The following AKAP13 variants were observed in gnomAD, a reference collection of about 807,000 sequenced individuals.
AKAP13 encodes A-kinase anchoring protein 13.
A neutral mutation model predicts 264.5 loss-of-function variants in AKAP13; 80 were observed. That is an observed-to-expected ratio of 0.30 (90% CI 0.25 to 0.36). AKAP13 has a LOEUF of 0.36. Ranked by LOEUF, AKAP13 falls within the 10% of genes least tolerant of loss-of-function variation. The pLI is 1.00. For missense variants in AKAP13, 3,712 were observed against 3,435.2 expected (o/e 1.08, Z -2.01); for synonymous variants, 1,380 against 1,250.2 (o/e 1.10, Z -2.19).
intron 1 of AKAP13, among the ~76,000 whole-genome samples, chr15:85,431,684 G>A (rs1401893065): frequency 6.6e-6 from 1 of 152,022 alleles, no homozygotes; most frequent in East Asian, 1.9e-4. Flanking sequence ...CCAGCTTTTA[G>A]GTAGTAACTT....
intron 34 of AKAP13, 82 bp from the exon 35 acceptor site, chr15:85,740,964 C>T: frequency 1.3e-6 from 2 of 1,517,172 alleles, no homozygotes; most frequent in Admixed American, 2.2e-5. Flanking sequence ...CCTGGTGCCC[C>T]CTGCTGTGGG....
intron 1 of AKAP13, among the ~76,000 whole-genome samples, chr15:85,422,242 G>A (rs1025148278): frequency 1.7e-4 from 26 of 152,100 alleles, no homozygotes; most frequent in African/African-American, 6.0e-4. Flanking sequence ...GTGCTGTTAC[G>A]AGATTTGAGG....
chr15:85,574,477 T>C (rs945896683), intron 5 of AKAP13, among the ~76,000 whole-genome samples: 2 of 152,240 alleles, frequency 1.3e-5, no homozygotes, highest in African/African-American at 4.8e-5. Flanking sequence ...TATAATGATA[T>C]GAGTTGAGCA....
intron 2 of AKAP13, among the ~76,000 whole-genome samples, chr15:85,517,200 C>T (rs537148969): frequency 2.0e-5 from 3 of 152,154 alleles, no homozygotes; most frequent in Admixed American, 6.5e-5. Flanking sequence ...GCCATCCTGT[C>T]TTTCACTCTT....
intron 1 of AKAP13, among the ~76,000 whole-genome samples, chr15:85,467,908 G>C (rs1402054231): frequency 1.3e-5 from 2 of 152,218 alleles, no homozygotes; most frequent in African/African-American, 2.4e-5. Flanking sequence ...ACTGACTCAA[G>C]TGTTGACGGA....
At chr15:85,710,419 G>C in intron 18 of AKAP13, 160 bp from the exon 19 acceptor site, 1 of 585,514 alleles carries the variant, frequency 1.7e-6, no homozygotes, top group Admixed American at 3.3e-5. Context: ...CAGGCTTAGA[G>C]GATGGCAATT....
intron 5 of AKAP13, among the ~76,000 whole-genome samples, chr15:85,570,075 CAAA>C (rs141206000): frequency 4.8e-5 from 4 of 83,518 alleles, no homozygotes; most frequent in South Asian, 5.4e-4. Flanking sequence ...GACTCCGTCT[CAAA>C]AAAAAAAAAA....
At chr15:85,646,080 G>T in intron 10 of AKAP13, 126 bp downstream of exon 10, 1 of 1,225,330 alleles carries the variant, frequency 8.2e-7, no homozygotes, top group Non-Finnish European at 1.1e-6. Flanking sequence ...TGTAACTCCT[G>T]CTAGTAAGTT....
intron 1 of AKAP13, among the ~76,000 whole-genome samples, chr15:85,424,361 A>G (rs1363317227): frequency 1.3e-5 from 2 of 152,190 alleles, no homozygotes; most frequent in African/African-American, 4.8e-5. Context: ...TTTGTAGTGC[A>G]CTTTTATGTT....
At chr15:85,436,784 A>G (rs1178319661) in intron 1 of AKAP13, among the ~76,000 whole-genome samples, 5 of 152,282 alleles carry the variant, frequency 3.3e-5, no homozygotes, top group East Asian at 3.9e-4. Context: ...ACGAAGACAC[A>G]ACATACCAGA....
At chr15:85,680,054 T>C (rs1384053400) in intron 14 of AKAP13, among the ~76,000 whole-genome samples, 1 of 152,224 alleles carries the variant, frequency 6.6e-6, no homozygotes. Context: ...CACATATGTG[T>C]TCAGTCTTTA....
chr15:85,444,364 G>A (rs2073826518), intron 1 of AKAP13, among the ~76,000 whole-genome samples: 2 of 152,144 alleles, frequency 1.3e-5, no homozygotes, highest in Non-Finnish European at 2.9e-5. Context: ...TAGTACATTT[G>A]GACTAGTGAA....
chr15:85,387,163 C>A (rs138544418), intron 1 of AKAP13, among the ~76,000 whole-genome samples: 1 of 151,780 alleles, frequency 6.6e-6, no homozygotes, highest in Admixed American at 6.6e-5. Flanking sequence ...GGCAAAACCC[C>A]GTCTCTACTA....
chr15:85,386,048 C>T (rs2070542441), intron 1 of AKAP13, among the ~76,000 whole-genome samples: 1 of 152,168 alleles, frequency 6.6e-6, no homozygotes, highest in Non-Finnish European at 1.5e-5. Flanking sequence ...TGATCTTGAA[C>T]TCCTAACCTC....
chr15:85,683,019 A>G (rs966081473), intron 15 of AKAP13, among the ~76,000 whole-genome samples: 6 of 152,254 alleles, frequency 3.9e-5, no homozygotes, highest in South Asian at 2.1e-4. Context: ...TTAGGTTTTC[A>G]TGCTTATGAG....
chr15:85,684,563 A>C (rs2084790529), intron 15 of AKAP13, 178 bp from the exon 16 acceptor site: 1 of 609,288 alleles, frequency 1.6e-6, no homozygotes, highest in Admixed American at 3.1e-5. Flanking sequence ...CAAGTGAACA[A>C]GAAAACATTA....
chr15:85,589,882 C>T (rs898611632), intron 8 of AKAP13, among the ~76,000 whole-genome samples: 1 of 152,110 alleles, frequency 6.6e-6, no homozygotes, highest in Non-Finnish European at 1.5e-5. Context: ...GGTGAAACCT[C>T]TGGTTTTTAA....
chr15:85,735,496 ATTC>A (rs1458931895), intron 31 of AKAP13, 61 bp from the exon 32 acceptor site: 66 of 1,533,444 alleles, frequency 4.3e-5, no homozygotes, highest in Non-Finnish European at 5.8e-5. Flanking sequence ...CCTATATGAT[ATTC>A]TTTCCTTGGC....
intron 15 of AKAP13, among the ~76,000 whole-genome samples, chr15:85,683,187 C>A (rs1049873914): frequency 1.3e-5 from 2 of 152,160 alleles, no homozygotes; most frequent in Non-Finnish European, 2.9e-5. Context: ...CTTATTCTTT[C>A]TCCTTTCTAC....
Sources: allele counts gnomAD v4.1 joint callset (sites outside exome capture counted in the v4.1 genomes callset), GRCh38; gene constraint gnomAD v4.1.1; transcripts MANE v1.5; gene names NCBI Gene and HGNC (gene_info 2026-07-23, HGNC 2026-07-21).